The following NLGN1 variants were observed in gnomAD, a reference collection of about 807,000 sequenced individuals.
NLGN1 encodes neuroligin 1, also known as neuroligin-1.
In NLGN1, 12 loss-of-function variants were observed where a neutral mutation model predicts 65.5. The observed-to-expected ratio is 0.18, with a 90% CI of 0.12 to 0.30. NLGN1 has a LOEUF of 0.30. NLGN1 is among the 10% of genes least tolerant of loss of function. NLGN1 has a pLI of 1.00. For synonymous variants in NLGN1, 350 were observed against 359.5 expected, an observed-to-expected ratio of 0.97 and a Z score of 0.30; for missense variants, 750 against 1,007.1, an observed-to-expected ratio of 0.74 and a Z score of 3.46.
chr3:173,977,575 CAG>C (rs1239221639), intron 4 of NLGN1, among the ~76,000 whole-genome samples: 1 of 151,806 alleles, frequency 6.6e-6, no homozygotes, highest in Non-Finnish European at 1.5e-5. Context: ...TACTAGAAGA[CAG>C]AGGTTCCAAG....
chr3:173,867,028 T>C (rs1331750130), intron 4 of NLGN1, among the ~76,000 whole-genome samples: 2 of 152,196 alleles, frequency 1.3e-5, no homozygotes, highest in African/African-American at 4.8e-5. Flanking sequence ...AACGGCATAG[T>C]ACTATTTTCC....
At chr3:174,216,423 A>T (rs1737612137) in intron 4 of NLGN1, among the ~76,000 whole-genome samples, 1 of 152,134 alleles carries the variant, frequency 6.6e-6, no homozygotes, top group Admixed American at 6.5e-5. Context: ...CTTTCTTTCA[A>T]ATAGCTTTTG....
intron 4 of NLGN1, among the ~76,000 whole-genome samples, chr3:174,044,864 G>C (rs752163815): frequency 3.3e-5 from 5 of 152,136 alleles, no homozygotes; most frequent in Non-Finnish European, 7.3e-5. Flanking sequence ...ATTCTCATGA[G>C]ATCCAATGAT....
chr3:173,604,889 T>G, exon 3 of NLGN1: 1 of 1,613,692 alleles, frequency 6.2e-7, no homozygotes, highest in Non-Finnish European at 8.5e-7. Context: ...GTTTTCAGCC[T>G]CCAGAACCAC....
chr3:173,805,088 A>G (rs938117270), intron 3 of NLGN1, among the ~76,000 whole-genome samples: 19 of 152,152 alleles, frequency 1.2e-4, no homozygotes, highest in African/African-American at 4.3e-4. Context: ...GCACTATTAA[A>G]GGCTTCCATT....
At chr3:173,422,929 T>TGG (rs1715381351) in intron 1 of NLGN1, among the ~76,000 whole-genome samples, 1 of 152,226 alleles carries the variant, frequency 6.6e-6, no homozygotes. Flanking sequence ...GCTATAAAGA[T>TGG]ACTATCTGAG....
intron 4 of NLGN1, among the ~76,000 whole-genome samples, chr3:174,175,719 A>G (rs897877836): frequency 6.6e-6 from 1 of 151,846 alleles, no homozygotes; most frequent in African/African-American, 2.4e-5. Flanking sequence ...GTGAGGTACA[A>G]TTTTTTTCAC....
At chr3:173,968,404 C>A (rs1007537798) in intron 4 of NLGN1, among the ~76,000 whole-genome samples, 1 of 152,016 alleles carries the variant, frequency 6.6e-6, no homozygotes, top group Non-Finnish European at 1.5e-5. Context: ...TGGGATATAT[C>A]TGTATCTATA....
chr3:174,260,087 T>C (rs1478938536), intron 4 of NLGN1, among the ~76,000 whole-genome samples: 1 of 152,072 alleles, frequency 6.6e-6, no homozygotes, highest in African/African-American at 2.4e-5. Context: ...TCTATCATTG[T>C]TGGACATTGG....
At chr3:173,649,940 C>T (rs560811415) in intron 3 of NLGN1, among the ~76,000 whole-genome samples, 7 of 152,054 alleles carry the variant, frequency 4.6e-5, no homozygotes, top group African/African-American at 1.7e-4. Flanking sequence ...CCATAATAAT[C>T]TTTTCACTTA....
intron 1 of NLGN1, among the ~76,000 whole-genome samples, chr3:173,433,046 C>T (rs1717473404): frequency 6.6e-6 from 1 of 152,152 alleles, no homozygotes; most frequent in African/African-American, 2.4e-5. Context: ...TCTAATCAAA[C>T]ACCACAGAGA....
At chr3:173,888,938 G>A (rs528395082) in intron 4 of NLGN1, among the ~76,000 whole-genome samples, 11 of 152,190 alleles carry the variant, frequency 7.2e-5, no homozygotes, top group Admixed American at 5.9e-4. Context: ...TAATTTAGGT[G>A]TTGATCACTT....
chr3:173,664,363 G>T (rs1761406373), intron 3 of NLGN1, among the ~76,000 whole-genome samples: 1 of 152,050 alleles, frequency 6.6e-6, no homozygotes, highest in African/African-American at 2.4e-5. Context: ...TTACTGAGAT[G>T]ATTCTTCCTA....
intron 3 of NLGN1, among the ~76,000 whole-genome samples, chr3:173,741,741 C>G (rs1474005258): frequency 3.3e-5 from 5 of 152,092 alleles, no homozygotes; most frequent in Admixed American, 3.3e-4. Context: ...GATCCAACCT[C>G]CTTGGCCTCC....
intron 4 of NLGN1, among the ~76,000 whole-genome samples, chr3:174,265,215 G>C (rs1215110150): frequency 6.6e-6 from 1 of 151,612 alleles, no homozygotes; most frequent in Admixed American, 6.6e-5. Flanking sequence ...CACCTAGTTC[G>C]AGCTTCCCAG....
downstream of NLGN1, among the ~76,000 whole-genome samples, chr3:174,289,482 T>TC (rs1752481938): frequency 6.6e-6 from 1 of 151,342 alleles, no homozygotes; most frequent in Non-Finnish European, 1.5e-5. Flanking sequence ...TATATTTTTT[T>TC]CCCATGTAAA....
intron 3 of NLGN1, among the ~76,000 whole-genome samples, chr3:173,716,988 A>G (rs887333079): frequency 6.6e-6 from 1 of 152,182 alleles, no homozygotes; most frequent in African/African-American, 2.4e-5. Context: ...CATTTCTAGC[A>G]TTTGATTTCC....
At chr3:173,686,721 G>A (rs775870556) in intron 3 of NLGN1, among the ~76,000 whole-genome samples, 6 of 152,172 alleles carry the variant, frequency 3.9e-5, no homozygotes, top group African/African-American at 7.2e-5. Flanking sequence ...TTGGGAGGCC[G>A]AGGCAGGCAG....
intron 4 of NLGN1, among the ~76,000 whole-genome samples, chr3:174,082,928 T>C (rs945816990): frequency 2.6e-5 from 4 of 152,172 alleles, no homozygotes; most frequent in Non-Finnish European, 5.9e-5. Flanking sequence ...GGTTTCACCA[T>C]GTTGGCCAGG....
Sources: allele counts gnomAD v4.1 joint callset (sites outside exome capture counted in the v4.1 genomes callset), GRCh38; gene constraint gnomAD v4.1.1; transcripts MANE v1.5; gene names NCBI Gene and HGNC (gene_info 2026-07-23, HGNC 2026-07-21).